GRID1: variants seen among roughly 807,000 people sequenced by gnomAD.
GRID1 encodes the protein glutamate ionotropic receptor delta type subunit 1, also known as glutamate receptor ionotropic, delta-1.
GRID1 carries 28 observed loss-of-function variants against 98.0 expected under a neutral mutation model. The ratio of observed to expected loss-of-function variants is 0.29; its 90% confidence interval spans 0.21 to 0.39. GRID1 has a LOEUF of 0.39. Ranked by LOEUF, GRID1 falls within the 10% of genes least tolerant of loss-of-function variation. The probability of loss-of-function intolerance (pLI) is 1.00; values close to 1 mark genes in which losing one functional copy is unlikely to be tolerated. For synonymous variants in GRID1, 553 were observed against 538.5 expected (o/e 1.03, Z -0.37); for missense variants, 1,111 against 1,340.5 (o/e 0.83, Z 2.67).
intron 8 of GRID1, among the ~76,000 whole-genome samples, chr10:85,770,202 T>G (rs1282350546): frequency 6.6e-6 from 1 of 152,204 alleles, no homozygotes; most frequent in Non-Finnish European, 1.5e-5. Context: ...CCGCTGCTGG[T>G]ACCCAGGCAA....
At chr10:86,032,164 T>G (rs1454548078) in intron 4 of GRID1, among the ~76,000 whole-genome samples, 1 of 152,204 alleles carries the variant, frequency 6.6e-6, no homozygotes, top group Non-Finnish European at 1.5e-5. Context: ...CTGAATGGCA[T>G]GTAATAGGTG....
chr10:86,221,706 C>T (rs1166151725), intron 2 of GRID1, among the ~76,000 whole-genome samples: 1 of 152,174 alleles, frequency 6.6e-6, no homozygotes, highest in Non-Finnish European at 1.5e-5. Context: ...TGGGTGACGG[C>T]TGTTAGGAGG....
At chr10:86,267,078 C>T (rs577026974) in intron 2 of GRID1, among the ~76,000 whole-genome samples, 1 of 152,174 alleles carries the variant, frequency 6.6e-6, no homozygotes, top group Non-Finnish European at 1.5e-5. Context: ...GATTCCCACC[C>T]CGGGAAAGTG....
intron 2 of GRID1, among the ~76,000 whole-genome samples, chr10:86,253,157 A>C (rs1846863661): frequency 6.6e-6 from 1 of 152,252 alleles, no homozygotes; most frequent in Non-Finnish European, 1.5e-5. Flanking sequence ...TATAGAAACC[A>C]GGGACATCAG....
intron 5 of GRID1, among the ~76,000 whole-genome samples, chr10:85,870,491 T>C (rs1843268136): frequency 6.6e-6 from 1 of 152,250 alleles, no homozygotes; most frequent in African/African-American, 2.4e-5. Context: ...CCCTTTCATA[T>C]ATACTTCTAT....
intron 12 of GRID1, among the ~76,000 whole-genome samples, chr10:85,704,543 A>G (rs1841491821): frequency 6.6e-6 from 1 of 152,220 alleles, no homozygotes; most frequent in South Asian, 2.1e-4. Flanking sequence ...TCCCACTGTC[A>G]ACATTAGACA....
intron 13 of GRID1, among the ~76,000 whole-genome samples, chr10:85,640,107 C>T (rs560294072): frequency 6.6e-6 from 1 of 152,314 alleles, no homozygotes; most frequent in Non-Finnish European, 1.5e-5. Flanking sequence ...TTTAAACACA[C>T]ATTTTCTAAC....
At chr10:85,914,899 G>C (rs985947194) in intron 5 of GRID1, among the ~76,000 whole-genome samples, 1 of 152,128 alleles carries the variant, frequency 6.6e-6, no homozygotes, top group Non-Finnish European at 1.5e-5. Flanking sequence ...TGAATATAGT[G>C]CACTGAGGTC....
At chr10:85,799,744 G>C (rs1158733866) in intron 8 of GRID1, among the ~76,000 whole-genome samples, 1 of 152,026 alleles carries the variant, frequency 6.6e-6, no homozygotes, top group African/African-American at 2.4e-5. Context: ...GGCAGAGGTT[G>C]TTTATTGGGT....
chr10:85,966,724 G>T (rs1477619225), intron 4 of GRID1, among the ~76,000 whole-genome samples: 1 of 151,740 alleles, frequency 6.6e-6, no homozygotes, highest in Non-Finnish European at 1.5e-5. Flanking sequence ...TGAGGCAGGA[G>T]AATCACTTGA....
chr10:86,249,661 T>C (rs1488446567), intron 2 of GRID1, among the ~76,000 whole-genome samples: 1 of 152,126 alleles, frequency 6.6e-6, no homozygotes, highest in African/African-American at 2.4e-5. Context: ...CTCTATGCCT[T>C]TGCCCAGGCA....
chr10:86,355,387 C>T (rs1348778741), intron 2 of GRID1, among the ~76,000 whole-genome samples: 1 of 152,236 alleles, frequency 6.6e-6, no homozygotes, highest in Non-Finnish European at 1.5e-5. Context: ...GCCCAGCTGC[C>T]TCATCTAGGG....
chr10:85,855,327 CCTTTCT>C (rs1843099494), intron 7 of GRID1, among the ~76,000 whole-genome samples: 1 of 152,204 alleles, frequency 6.6e-6, no homozygotes, highest in Non-Finnish European at 1.5e-5. Flanking sequence ...GTGGTGAGCC[CCTTTCT>C]CTCTCCAAGC....
At chr10:85,746,505 G>T (rs1224183123) in intron 8 of GRID1, among the ~76,000 whole-genome samples, 1 of 152,102 alleles carries the variant, frequency 6.6e-6, no homozygotes, top group African/African-American at 2.4e-5. Flanking sequence ...TGTTGTGGAG[G>T]TGACATTTTG....
At chr10:85,940,045 C>T (rs144064821) in intron 4 of GRID1, among the ~76,000 whole-genome samples, 4,983 of 126,816 alleles carry the variant, frequency 0.039, 267 homozygotes, top group African/African-American at 0.14. Flanking sequence ...GCAGCCTGGG[C>T]GACACAGTGA....
At chr10:85,633,055 T>G (rs1008439508) in intron 13 of GRID1, among the ~76,000 whole-genome samples, 2 of 152,194 alleles carry the variant, frequency 1.3e-5, no homozygotes, top group African/African-American at 4.8e-5. Flanking sequence ...GGACATAATC[T>G]TGTTCCTTTT....
At chr10:85,866,523 T>C (rs1843223278) in intron 6 of GRID1, among the ~76,000 whole-genome samples, 1 of 151,918 alleles carries the variant, frequency 6.6e-6, no homozygotes. Flanking sequence ...AAATGCAAAA[T>C]CTGAAATACC....
At chr10:85,815,346 C>A (rs1001926989) in intron 8 of GRID1, among the ~76,000 whole-genome samples, 2 of 151,912 alleles carry the variant, frequency 1.3e-5, no homozygotes, top group East Asian at 1.9e-4. Flanking sequence ...GGAAGGAATG[C>A]CTTATTTCAC....
intron 4 of GRID1, among the ~76,000 whole-genome samples, chr10:86,080,450 AGGGGAGGGGAGGGG>A (rs1843958869): frequency 9.5e-5 from 2 of 20,968 alleles, no homozygotes; most frequent in African/African-American, 3.3e-4. Flanking sequence ...AGGGGAGGGG[AGGGGAGGGGAGGGG>A]AGGGAAGGGA....
Sources: gnomAD v4.1 joint callset for allele counts (sites outside exome capture counted in the v4.1 genomes callset) on GRCh38, gnomAD v4.1.1 for gene constraint, MANE v1.5 for transcripts, NCBI Gene and HGNC (gene_info 2026-07-23, HGNC 2026-07-21) for gene names.